THSD7B: variants seen among roughly 807,000 people sequenced by gnomAD.
The protein encoded by THSD7B is thrombospondin type-1 domain-containing protein 7B.
In THSD7B, 138 loss-of-function variants were observed where a neutral mutation model predicts 213.6. The observed-to-expected ratio is 0.65, with a 90% CI of 0.56 to 0.74. The LOEUF (loss-of-function observed/expected upper bound fraction) is 0.74, where lower values mean the gene tolerates loss of function less well. Ranked by LOEUF, THSD7B falls within the 30% of genes least tolerant of loss-of-function variation. The pLI, the probability that THSD7B is intolerant of heterozygous loss-of-function variation, is 0.00. For synonymous variants in THSD7B, 742 were observed against 687.0 expected, an observed-to-expected ratio of 1.08 and a Z score of -1.25; for missense variants, 1,931 against 1,991.5, an observed-to-expected ratio of 0.97 and a Z score of 0.58.
At chr2:137,313,776 G>A (rs1187491427) in intron 12 of THSD7B, among the ~76,000 whole-genome samples, 2 of 152,008 alleles carry the variant, frequency 1.3e-5, no homozygotes, top group Non-Finnish European at 2.9e-5. Flanking sequence ...AGCTTAGTTT[G>A]GCTGTATATG....
chr2:137,353,604 A>G (rs942473695), intron 12 of THSD7B, among the ~76,000 whole-genome samples: 4 of 152,134 alleles, frequency 2.6e-5, no homozygotes, highest in African/African-American at 9.7e-5. Context: ...TCACTGTAGA[A>G]TTAGGTTGTT....
intron 2 of THSD7B, among the ~76,000 whole-genome samples, chr2:137,025,063 C>T (rs937476847): frequency 2.0e-5 from 3 of 152,244 alleles, no homozygotes; most frequent in Admixed American, 6.5e-5. Context: ...GTAGCCCATC[C>T]GTACCAGTCT....
Position 136,774,797 on chromosome 2 carries a change from TTGG to T in THSD7B, c.-36+9114_-36+9116del, listed in dbSNP as rs373039856. On this transcript the variant is annotated intron_variant, in intron 1 of 27. Transcript: ENST00000409968. Reference sequence around the variant, plus strand: ...TAGATGTTTCCGTTGGATTACAGAGTTGGTGGAATAAAAACATAATGCTTGTGG... The same window carrying T: ...TAGATGTTTCCGTTGGATTACAGAGTTGGAATAAAAACATAATGCTTGTGG... Among the ~76,000 whole-genome samples, 24 of 152,154 alleles carry T rather than the reference TTGG, an allele frequency of 1.6e-4. No homozygotes were observed. The South Asian group carries it at 3.7e-3, about 24-fold the overall frequency.
At chr2:137,642,193 T>A in intron 20 of THSD7B, 1 of 253,692 alleles carries the variant, frequency 3.9e-6, no homozygotes. Flanking sequence ...TTAAATGAAT[T>A]GACAGTCTAC....
intron 2 of THSD7B, among the ~76,000 whole-genome samples, chr2:137,013,884 G>T (rs1686285183): frequency 6.6e-6 from 1 of 152,174 alleles, no homozygotes; most frequent in Non-Finnish European, 1.5e-5. Flanking sequence ...TGAAATATAA[G>T]CCTGGGGTTT....
chr2:137,094,521 G>A (rs541082306), intron 3 of THSD7B, among the ~76,000 whole-genome samples: 4 of 151,756 alleles, frequency 2.6e-5, no homozygotes, highest in Non-Finnish European at 5.9e-5. Context: ...TTGCATCACT[G>A]CACTTCAGCC....
At chr2:137,639,573 G>T (rs1375257020) in intron 20 of THSD7B, among the ~76,000 whole-genome samples, 1 of 152,136 alleles carries the variant, frequency 6.6e-6, no homozygotes, top group Non-Finnish European at 1.5e-5. Context: ...CCCACTGACA[G>T]CTTGCACCGT....
At chr2:136,803,154 C>T (rs904788394) in intron 1 of THSD7B, among the ~76,000 whole-genome samples, 1 of 151,078 alleles carries the variant, frequency 6.6e-6, no homozygotes, top group Non-Finnish European at 1.5e-5. Flanking sequence ...TAAATACACC[C>T]ACACACACAC....
chr2:137,538,351 A>C, intron 15 of THSD7B: 1 of 359,774 alleles, frequency 2.8e-6, no homozygotes, highest in Admixed American at 3.8e-5. Flanking sequence ...GCTGAAAAAT[A>C]GCCATTAATT....
At chr2:136,833,385 A>AAAAAAG (rs1383636225) in intron 1 of THSD7B, among the ~76,000 whole-genome samples, 106 of 136,344 alleles carry the variant, frequency 7.8e-4, no homozygotes, top group South Asian at 2.7e-3. Flanking sequence ...AAAAAAAAAA[A>AAAAAAG]AGAGAGAGAG....
rs569197931 is a variant in THSD7B, at chr2:137,247,445, C to T, written c.2266+4873C>T. On this transcript the variant is annotated intron_variant, in intron 10 of 27. Coordinates refer to ENST00000409968, the MANE Select transcript of THSD7B (RefSeq NM_001316349.2). ...TGAGATAATTGCCAGATATGTTTACCAGTTTATGGAAAGGGAGAATATGAA... is the reference window on the plus strand; with the variant it reads ...TGAGATAATTGCCAGATATGTTTACTAGTTTATGGAAAGGGAGAATATGAA... Among the ~76,000 whole-genome samples, 4 of 152,120 alleles carry T rather than the reference C, an allele frequency of 2.6e-5. No individual in the cohort carries two copies. In the South Asian group the frequency reaches 8.3e-4, roughly 32 times the overall value.
chr2:137,411,770 C>A lies in THSD7B; in HGVS notation c.2857C>A (p.Gln953Lys), dbSNP rs1444978959. 6.2e-7 allele frequency: 1 copy of A among 1,613,814 alleles called. No individual in the cohort carries two copies. Reference sequence around the variant, plus strand: ...GGAGCCTCACCGAGGACTGCGGGTACAAGCAGACAGCAAAGAATGTGGAGA... The same window carrying A: ...GGAGCCTCACCGAGGACTGCGGGTAAAAGCAGACAGCAAAGAATGTGGAGA... ...RREPHRGLRV[Q>K]ADSKECGEGL... The change falls in exon 14 of 28, where the codon CAA becomes AAA. Residue 953 changes from glutamine to lysine, a missense_variant. Transcript: ENST00000409968.
At chr2:137,269,118 G>A (rs1682672767) in intron 10 of THSD7B, among the ~76,000 whole-genome samples, 1 of 152,004 alleles carries the variant, frequency 6.6e-6, no homozygotes, top group Non-Finnish European at 1.5e-5. Flanking sequence ...TGTTTCCCTA[G>A]CTTAAGATCC....
chr2:137,675,290 T>C (rs1023549418), intron 27 of THSD7B, among the ~76,000 whole-genome samples: 2 of 114,196 alleles, frequency 1.8e-5, no homozygotes, highest in African/African-American at 6.3e-5. Flanking sequence ...CAAATGCCAC[T>C]GAATTGTATA....
chr2:137,183,583 T>A (rs1458116310), intron 7 of THSD7B, among the ~76,000 whole-genome samples: 3 of 152,144 alleles, frequency 2.0e-5, no homozygotes, highest in South Asian at 2.1e-4. Flanking sequence ...ACTTGTTTTT[T>A]TAATTAATTA....
chr2:136,839,974 T>G (rs1682898809), intron 1 of THSD7B, among the ~76,000 whole-genome samples: 1 of 152,162 alleles, frequency 6.6e-6, no homozygotes, highest in Non-Finnish European at 1.5e-5. Flanking sequence ...TCTGGGGATA[T>G]TAAGTTGGAA....
At chr2:137,088,117 A>G (rs1050773103) in intron 3 of THSD7B, among the ~76,000 whole-genome samples, 1 of 151,892 alleles carries the variant, frequency 6.6e-6, no homozygotes, top group Non-Finnish European at 1.5e-5. Context: ...GTTTGTGCCT[A>G]TAGTCCTAGC....
intron 10 of THSD7B, among the ~76,000 whole-genome samples, chr2:137,270,583 G>T (rs1009820395): frequency 6.6e-6 from 1 of 152,162 alleles, no homozygotes; most frequent in African/African-American, 2.4e-5. Context: ...ACATTAATGG[G>T]TAAGACCAAA....
intron 1 of THSD7B, among the ~76,000 whole-genome samples, chr2:136,821,718 G>T (rs183476119): frequency 2.8e-4 from 42 of 152,256 alleles, no homozygotes; most frequent in African/African-American, 8.9e-4. Context: ...AGCTTCTCCT[G>T]CCTTGAAATT....
Sources: allele counts gnomAD v4.1 joint callset (sites outside exome capture counted in the v4.1 genomes callset), GRCh38; gene constraint gnomAD v4.1.1; transcripts MANE v1.5; gene names NCBI Gene and HGNC (gene_info 2026-07-23, HGNC 2026-07-21).